The following COL4A1 variants were observed in gnomAD, a reference collection of about 807,000 sequenced individuals.
The protein encoded by COL4A1 is collagen type IV alpha 1 chain.
Under a neutral mutation model 216.6 loss-of-function variants are expected in COL4A1, and 40 were observed. The ratio of observed to expected loss-of-function variants is 0.18; its 90% CI spans 0.14 to 0.24. The LOEUF (loss-of-function observed/expected upper bound fraction) is 0.24. COL4A1 is among the 10% of genes least tolerant of loss of function. The pLI is 1.00. For missense variants in COL4A1, 1,628 were observed against 2,196.8 expected (o/e 0.74, Z 5.18); for synonymous variants, 839 against 810.7 (o/e 1.03, Z -0.59).
rs1177879727 is a variant in COL4A1, at chr13:110,211,344, C to G, written c.468+303G>C. Among the ~76,000 whole-genome samples the G allele has an allele frequency of 6.6e-6, 1 of 152,202 alleles. No homozygotes were observed. The highest frequency in any genetic ancestry group is 1.5e-5 in the Non-Finnish European group (1 of 68,024). On this transcript the variant is annotated intron_variant, in intron 8 of 51. Coordinates refer to ENST00000375820, the MANE Select transcript of COL4A1 (RefSeq NM_001845.6). The surrounding 1 kb of genome is among the most constrained non-coding windows in gnomAD (Gnocchi z 4.3). ...CCTCCTGGGAAGTCTGAGAGGCACCCAGGGAGCCCCATTCTCCCATCTGCC... is the reference window on the plus strand; with the variant it reads ...CCTCCTGGGAAGTCTGAGAGGCACCGAGGGAGCCCCATTCTCCCATCTGCC...
At chr13:110,151,306 TA>T (rs571140968) in intron 51 of COL4A1, among the ~76,000 whole-genome samples, 138 of 143,974 alleles carry the variant, frequency 9.6e-4, no homozygotes, top group East Asian at 1.0e-3. Flanking sequence ...GGCTGCTGGT[TA>T]AAAAAAAAAA....
intron 1 of COL4A1, among the ~76,000 whole-genome samples, chr13:110,280,928 A>C (rs1883607310): frequency 1.3e-5 from 2 of 152,128 alleles, no homozygotes; most frequent in Admixed American, 1.3e-4. Context: ...CTATCTACTT[A>C]GATCGCCGTA....
chr13:110,208,442 T>A (rs1879619853), intron 12 of COL4A1, among the ~76,000 whole-genome samples: 1 of 152,206 alleles, frequency 6.6e-6, no homozygotes, highest in Non-Finnish European at 1.5e-5. Flanking sequence ...GAGGGGCCGC[T>A]GCCCACCGTG....
intron 49 of COL4A1, among the ~76,000 whole-genome samples, chr13:110,160,449 CAA>C (rs71127918): frequency 1.8e-5 from 2 of 108,154 alleles, no homozygotes; most frequent in Non-Finnish European, 1.8e-5. Context: ...GACTCCGTCT[CAA>C]AAAAAAAAAA....
intron 1 of COL4A1, among the ~76,000 whole-genome samples, chr13:110,278,154 TG>T (rs1394286142): frequency 2.0e-5 from 3 of 152,218 alleles, no homozygotes; most frequent in Non-Finnish European, 4.4e-5. Flanking sequence ...TTGTGGCAGA[TG>T]GGTATAAATG....
intron 49 of COL4A1, among the ~76,000 whole-genome samples, chr13:110,160,575 A>G (rs1305082974): frequency 2.0e-5 from 3 of 152,256 alleles, no homozygotes; most frequent in Non-Finnish European, 2.9e-5. Flanking sequence ...CGCTTGCTGA[A>G]GAATCGAGTG....
At chr13:110,192,480 C>G (rs905980725) in intron 23 of COL4A1, among the ~76,000 whole-genome samples, 196 bp from the exon 24 acceptor site, 1 of 152,158 alleles carries the variant, frequency 6.6e-6, no homozygotes, top group Admixed American at 6.5e-5. Flanking sequence ...CATGTACACC[C>G]GGAAGCAGGA....
At chr13:110,181,474 T>G in intron 28 of COL4A1, 85 bp from the exon 29 acceptor site, 1 of 1,295,592 alleles carries the variant, frequency 7.7e-7, no homozygotes, top group Non-Finnish European at 1.1e-6. Flanking sequence ...CTTTTAGTCT[T>G]GCCCAGAGAT....
At chr13:110,300,680 G>A (rs7991478) in intron 1 of COL4A1, among the ~76,000 whole-genome samples, 1 of 152,126 alleles carries the variant, frequency 6.6e-6, no homozygotes, top group East Asian at 1.9e-4. Context: ...CTCACGGCCA[G>A]TATCTCTGGC....
chr13:110,288,279 AT>A (rs1427941063), intron 1 of COL4A1, among the ~76,000 whole-genome samples: 44 of 150,112 alleles, frequency 2.9e-4, no homozygotes, highest in African/African-American at 1.0e-3. Flanking sequence ...AAAAAAAATA[AT>A]AATAATAATA....
At chr13:110,275,041 C>T (rs1303802646) in intron 1 of COL4A1, among the ~76,000 whole-genome samples, 1 of 152,140 alleles carries the variant, frequency 6.6e-6, no homozygotes, top group East Asian at 1.9e-4. Context: ...AAGGCATGAT[C>T]CATGAAAGAA....
intron 1 of COL4A1, among the ~76,000 whole-genome samples, chr13:110,260,412 G>A (rs1882768143): frequency 6.6e-6 from 1 of 152,176 alleles, no homozygotes; most frequent in African/African-American, 2.4e-5. Flanking sequence ...AAGGTGGGAT[G>A]TGGGTGGGGA....
chr13:110,246,784 C>T (rs1397414731), intron 1 of COL4A1, among the ~76,000 whole-genome samples: 1 of 152,136 alleles, frequency 6.6e-6, no homozygotes, highest in Non-Finnish European at 1.5e-5. Flanking sequence ...CGGTACTCAT[C>T]CTCTTCCTGG....
At chr13:110,295,258 C>CTTTT (rs67516756) in intron 1 of COL4A1, among the ~76,000 whole-genome samples, 91 of 135,552 alleles carry the variant, frequency 6.7e-4, no homozygotes, top group East Asian at 8.8e-4. Context: ...TTCTTTCTTT[C>CTTTT]TTTTTTTTTT....
At chr13:110,201,342 AC>A (rs1879213047) in intron 19 of COL4A1, 95 bp downstream of exon 19, 1 of 588,862 alleles carries the variant, frequency 1.7e-6, no homozygotes, top group Non-Finnish European at 2.7e-6. Context: ...AGGAGGAGGA[AC>A]AGGAGGAGGA....
At chr13:110,262,827 C>A (rs1882882013) in intron 1 of COL4A1, among the ~76,000 whole-genome samples, 1 of 152,186 alleles carries the variant, frequency 6.6e-6, no homozygotes, top group Admixed American at 6.5e-5. Flanking sequence ...TTCATGATAA[C>A]CTTCCAGTTT....
At chr13:110,243,737 C>T (rs1016378889) in intron 1 of COL4A1, among the ~76,000 whole-genome samples, 4 of 152,192 alleles carry the variant, frequency 2.6e-5, no homozygotes, top group Admixed American at 6.5e-5. Flanking sequence ...CCAGGTGCCA[C>T]GCACAGTCAG....
intron 1 of COL4A1, among the ~76,000 whole-genome samples, chr13:110,247,426 TA>T (rs1272401095): frequency 6.6e-6 from 1 of 152,222 alleles, no homozygotes; most frequent in African/African-American, 2.4e-5. Context: ...AAAAGTCTCT[TA>T]AACTTTTCAG....
At chr13:110,280,575 A>C (rs1215137208) in intron 1 of COL4A1, among the ~76,000 whole-genome samples, 1 of 152,254 alleles carries the variant, frequency 6.6e-6, no homozygotes, top group Non-Finnish European at 1.5e-5. Context: ...TTGGCTTAGC[A>C]GCGCCGCATG....
Sources: gnomAD v4.1 joint callset for allele counts (sites outside exome capture counted in the v4.1 genomes callset) on GRCh38, gnomAD v4.1.1 for gene constraint, Gnocchi (gnomAD v3.1) non-coding constraint, MANE v1.5 for transcripts, NCBI Gene and HGNC (gene_info 2026-07-23, HGNC 2026-07-21) for gene names.